PIGL: variants seen among roughly 807,000 people sequenced by gnomAD.
The protein encoded by PIGL is N-acetylglucosaminyl-phosphatidylinositol de-N-acetylase.
PIGL carries 22 observed loss-of-function variants against 31.1 expected under a neutral mutation model. The observed-to-expected ratio is 0.71, with a 90% CI of 0.51 to 1.01. The LOEUF (loss-of-function observed/expected upper bound fraction) is 1.01, where lower values mean the gene tolerates loss of function less well. PIGL is among the 50% of genes least tolerant of loss of function. The probability of loss-of-function intolerance (pLI) is 0.00; values close to 1 mark genes in which losing one functional copy is unlikely to be tolerated. For synonymous variants in PIGL, 131 were observed against 117.4 expected (o/e 1.12, Z -0.75); for missense variants, 302 against 315.9 (o/e 0.96, Z 0.33).
chr17:16,314,288 G>A (rs897372257), intron 4 of PIGL, among the ~76,000 whole-genome samples: 2 of 152,108 alleles, frequency 1.3e-5, no homozygotes, highest in Admixed American at 1.3e-4. Context: ...TACTGAGGAA[G>A]GAAAGAAGCA....
intron 6 of PIGL, among the ~76,000 whole-genome samples, chr17:16,324,081 T>C (rs933279252): frequency 6.6e-5 from 10 of 150,964 alleles, no homozygotes; most frequent in South Asian, 2.1e-4. Context: ...CTCAGCCTCC[T>C]GAGTAGCTGG....
At chr17:16,233,838 C>T (rs954335507) in intron 1 of PIGL, 133 bp from the exon 2 acceptor site, 14 of 569,562 alleles carry the variant, frequency 2.5e-5, no homozygotes, top group East Asian at 8.3e-5. Flanking sequence ...TTTTCTTAAA[C>T]TTTGTATCAT....
chr17:16,299,392 C>CG (rs1412078270), intron 2 of PIGL, among the ~76,000 whole-genome samples: 2 of 149,610 alleles, frequency 1.3e-5, no homozygotes, highest in Admixed American at 1.3e-4. Flanking sequence ...TGTAGTGAGC[C>CG]GAGATCTCAC....
At chr17:16,271,669 C>T (rs748693189) in intron 2 of PIGL, among the ~76,000 whole-genome samples, 35 of 151,800 alleles carry the variant, frequency 2.3e-4, no homozygotes, top group Admixed American at 7.2e-4. Flanking sequence ...GTAGCTGGGA[C>T]TACAGGCGCA....
intron 2 of PIGL, among the ~76,000 whole-genome samples, chr17:16,293,631 C>T (rs550261859): frequency 6.6e-6 from 1 of 152,352 alleles, no homozygotes; most frequent in East Asian, 1.9e-4. Context: ...TAGAGTACTT[C>T]TGTCAAGCAA....
chr17:16,313,610 G>A lies in PIGL; in HGVS notation c.490G>A (p.Val164Met). The change falls in exon 4 of 7, where the codon GTG becomes ATG. Residue 164 changes from valine (V) to methionine (M), a missense_variant. Physicochemically the swap from Val to Met is conservative, Grantham distance 21. Transcript: ENST00000225609. ...CAATCACATTGCTCTGTATGCAGCTGTGAGGTATGATTCTCCGGGTGATGG... is the reference window on the plus strand; with the variant it reads ...CAATCACATTGCTCTGTATGCAGCTATGAGGTATGATTCTCCGGGTGATGG... ...HSNHIALYAA[V>M]RALHSEGKLP... The A allele has an allele frequency of 6.2e-7, 1 of 1,611,694 alleles. No individual in the cohort carries two copies. The highest frequency in any genetic ancestry group is 8.5e-7 in the Non-Finnish European group (1 of 1,177,716).
chr17:16,321,878 G>A (rs781553934), intron 6 of PIGL, among the ~76,000 whole-genome samples: 10 of 151,576 alleles, frequency 6.6e-5, no homozygotes, highest in African/African-American at 1.9e-4. Context: ...TTCGCCTCCC[G>A]GGTTTAAGCG....
chr17:16,274,166 A>G (rs2092883899), intron 2 of PIGL, among the ~76,000 whole-genome samples: 1 of 152,198 alleles, frequency 6.6e-6, no homozygotes, highest in Admixed American at 6.5e-5. Flanking sequence ...AACCAAGGTT[A>G]TTACCAAGAA....
intron 1 of PIGL, among the ~76,000 whole-genome samples, chr17:16,222,104 TTATC>T (rs1192688427): frequency 6.6e-6 from 1 of 152,124 alleles, no homozygotes; most frequent in Non-Finnish European, 1.5e-5. Context: ...GGATTAAACA[TTATC>T]TATTCTGCTG....
In PIGL at chr17:16,321,904, C is replaced by T. The variant is rs542473073; in HGVS notation, c.661-3896C>T. Among the ~76,000 whole-genome samples, 25 of 151,410 alleles carry T rather than the reference C, an allele frequency of 1.7e-4. No homozygotes were observed. The South Asian group carries it at 5.0e-3, about 30-fold the overall frequency. On this transcript the variant is annotated intron_variant, in intron 6 of 6. Coordinates refer to ENST00000225609, the MANE Select transcript of PIGL (RefSeq NM_004278.4). Reference sequence around the variant, plus strand: ...GGTTTAAGCGATTCTCCTGCCTCAGCGTCCCAAGTAGCTGGGATCACAGGC... The same window carrying T: ...GGTTTAAGCGATTCTCCTGCCTCAGTGTCCCAAGTAGCTGGGATCACAGGC...
chr17:16,322,798 C>T (rs560826018), intron 6 of PIGL, among the ~76,000 whole-genome samples: 8 of 152,268 alleles, frequency 5.3e-5, no homozygotes, highest in African/African-American at 1.9e-4. Context: ...TGTTTCAGCT[C>T]TCCTACTGTA....
At chr17:16,267,358 G>A (rs187235261) in intron 2 of PIGL, among the ~76,000 whole-genome samples, 18 of 152,126 alleles carry the variant, frequency 1.2e-4, no homozygotes, top group Non-Finnish European at 1.3e-4. Flanking sequence ...AAGAGGTGGA[G>A]GAAGTGGATG....
chr17:16,255,539 C>T (rs1054101117), intron 2 of PIGL, among the ~76,000 whole-genome samples: 2 of 152,080 alleles, frequency 1.3e-5, no homozygotes, highest in African/African-American at 4.8e-5. Context: ...CCAATAAATC[C>T]ATGCAAATCG....
chr17:16,258,492 TTTTATTTATTTA>T (rs577163154), intron 2 of PIGL, among the ~76,000 whole-genome samples: 289 of 150,932 alleles, frequency 1.9e-3, no homozygotes, highest in Non-Finnish European at 3.2e-3. Context: ...TTATTTTTAT[TTTTATTTATTTA>T]TTTATTTATT....
At chr17:16,263,919 G>A (rs1387660728) in intron 2 of PIGL, among the ~76,000 whole-genome samples, 1 of 137,378 alleles carries the variant, frequency 7.3e-6, no homozygotes, top group African/African-American at 2.8e-5. Flanking sequence ...TCAGCTCACT[G>A]CAACCTCTGC....
chr17:16,247,294 G>T (rs952723471), intron 2 of PIGL, among the ~76,000 whole-genome samples: 1 of 152,116 alleles, frequency 6.6e-6, no homozygotes, highest in Non-Finnish European at 1.5e-5. Flanking sequence ...CCACATTCAT[G>T]TCCTTATTTC....
chr17:16,292,911 G>A (rs187094271), intron 2 of PIGL, among the ~76,000 whole-genome samples: 364 of 152,230 alleles, frequency 2.4e-3, no homozygotes, highest in Non-Finnish European at 4.2e-3. Flanking sequence ...AGAAAACTGG[G>A]GCAACTATCA....
chr17:16,286,516 T>C (rs1026432262), intron 2 of PIGL, among the ~76,000 whole-genome samples: 1 of 152,204 alleles, frequency 6.6e-6, no homozygotes, highest in Non-Finnish European at 1.5e-5. Context: ...GAAAGGTCAC[T>C]GTTTGAGGAT....
chr17:16,247,747 T>A (rs1313461231), intron 2 of PIGL, among the ~76,000 whole-genome samples: 1 of 152,172 alleles, frequency 6.6e-6, no homozygotes, highest in African/African-American at 2.4e-5. Context: ...CCAGCAGGCT[T>A]CTTTCGTCCC....
Sources: gnomAD v4.1 joint callset for allele counts (sites outside exome capture counted in the v4.1 genomes callset) on GRCh38, gnomAD v4.1.1 for gene constraint, MANE v1.5 for transcripts, NCBI Gene and HGNC (gene_info 2026-07-23, HGNC 2026-07-21) for gene names.